Variants in RTN4 observed in about 807,000 individuals in gnomAD.
The protein encoded by RTN4 is reticulon-4.
Under a neutral mutation model 90.4 loss-of-function variants are expected in RTN4, and 32 were observed. That is an observed-to-expected ratio of 0.35 (90% CI 0.27 to 0.48). The LOEUF (loss-of-function observed/expected upper bound fraction) is 0.48. RTN4 is among the 20% of genes least tolerant of loss of function. RTN4 has a pLI of 0.99. For missense variants in RTN4, 1,706 were observed against 1,430.2 expected (o/e 1.19, Z -3.11); for synonymous variants, 629 against 552.5 (o/e 1.14, Z -1.94).
intron 1 of RTN4, among the ~76,000 whole-genome samples, chr2:55,108,120 A>G (rs1054557487): frequency 6.6e-6 from 1 of 151,904 alleles, no homozygotes; most frequent in Non-Finnish European, 1.5e-5. Flanking sequence ...ATTCCCAGCT[A>G]ATTTTTGTGT....
At position 55,050,008 on chromosome 2, in the gene RTN4, G is replaced by A; in HGVS notation, c.293C>T (p.Pro98Leu). 1.4e-6 allele frequency: 2 copies of A among 1,380,294 alleles called. No individual in the cohort carries two copies. Among genetic ancestry groups the A allele is most frequent in the Non-Finnish European group, 1.9e-6 (2 of 1,074,292 alleles). The allele number at this position is 1,380,294 out of a possible 1,614,324, so 85.5% of individuals were successfully genotyped here. Residue 98 changes from proline to leucine, a missense_variant, in exon 1 of 9, where the codon CCC becomes CTC. By Grantham distance (98) the Pro-to-Leu change is moderately conservative. Coordinates refer to ENST00000337526, the MANE Select transcript of RTN4 (RefSeq NM_020532.5). This position sits in a 1 kb window ranked among gnomAD's most constrained non-coding sequence, Gnocchi z 4.6. ...PAPRGPLPAAPPVAPERQPSW... is the reference protein window; with the variant it reads ...PAPRGPLPAALPVAPERQPSW... ...CGGCTGCCGCTCCGGGGCGACGGGG[G>A]GAGCGGCCGGCAGGGGTCCCCGGGG...
upstream of RTN4, among the ~76,000 whole-genome samples, chr2:55,054,618 A>C (rs1259660195): frequency 6.6e-6 from 1 of 152,228 alleles, no homozygotes; most frequent in African/African-American, 2.4e-5. Context: ...GCCTACATAT[A>C]GCAGGACGTG....
At chr2:55,041,146 T>C (rs1430409709) in intron 1 of RTN4, among the ~76,000 whole-genome samples, 1 of 151,326 alleles carries the variant, frequency 6.6e-6, no homozygotes, top group Non-Finnish European at 1.5e-5. Flanking sequence ...CAATTATCAA[T>C]TGAAAAGAGA....
At chr2:55,030,054 G>A (rs953887077) in intron 1 of RTN4, among the ~76,000 whole-genome samples, 3 of 152,206 alleles carry the variant, frequency 2.0e-5, no homozygotes, top group Non-Finnish European at 2.9e-5. Flanking sequence ...TAACAAAATG[G>A]TTGTCTTTTT....
intron 3 of RTN4, among the ~76,000 whole-genome samples, chr2:55,018,331 T>C (rs1009600438): frequency 3.3e-5 from 5 of 152,056 alleles, no homozygotes; most frequent in African/African-American, 1.2e-4. Context: ...AGAAAGAAAA[T>C]CTAGAACTGA....
In RTN4 at chr2:54,987,633, G is replaced by C; in HGVS notation, c.3079C>G (p.Leu1027Val). ...CTGAATACTGTCAATGAAAGCAGCA[G>C]GAATAGGCTGGCACCAAACACCACT... ...TGVVFGASLF[L>V]LLSLTVFSIV... Residue 1027 changes from leucine to valine, a missense_variant, in exon 4 of 9, where the codon CTG (leucine) becomes GTG (valine). Leu to Val is a conservative substitution (Grantham distance 32). Transcript: ENST00000337526. 1 of 1,614,146 alleles carries C rather than the reference G, an allele frequency of 6.2e-7. No homozygotes were observed. The highest frequency in any genetic ancestry group is 8.5e-7 in the Non-Finnish European group (1 of 1,180,012).
At chr2:55,014,816 C>A (rs1680912900) in intron 3 of RTN4, among the ~76,000 whole-genome samples, 1 of 152,084 alleles carries the variant, frequency 6.6e-6, no homozygotes, top group East Asian at 1.9e-4. Context: ...CACCTGGCCT[C>A]AAGCACGCAT....
intron 2 of RTN4, among the ~76,000 whole-genome samples, chr2:55,070,748 TTTG>T (rs71410417): frequency 6.4e-4 from 96 of 149,526 alleles, no homozygotes; most frequent in Non-Finnish European, 1.0e-3. Flanking sequence ...TGTTTTGATT[TTTG>T]TTGTTGTTGT....
At chr2:55,105,006 C>T (rs1432688355) in intron 1 of RTN4, among the ~76,000 whole-genome samples, 4 of 151,748 alleles carry the variant, frequency 2.6e-5, no homozygotes, top group Non-Finnish European at 5.9e-5. Flanking sequence ...GAGGTTTTGC[C>T]ATGTTGCCCG....
chr2:55,074,776 C>A (rs2105021327), intron 2 of RTN4, among the ~76,000 whole-genome samples: 1 of 152,268 alleles, frequency 6.6e-6, no homozygotes, highest in East Asian at 1.9e-4. Flanking sequence ...GGTTTAACAT[C>A]TGTAAGTCAA....
chr2:54,999,385 A>G (rs986771842), intron 3 of RTN4, among the ~76,000 whole-genome samples: 3 of 152,104 alleles, frequency 2.0e-5, no homozygotes, highest in Admixed American at 6.5e-5. Flanking sequence ...ATCCAATTAC[A>G]TTTTGCCTCA....
intron 1 of RTN4, among the ~76,000 whole-genome samples, chr2:55,096,122 T>C (rs900520313): frequency 8.6e-5 from 13 of 151,402 alleles, no homozygotes; most frequent in African/African-American, 3.2e-4. Flanking sequence ...AGGACGGGAG[T>C]TCAAGCCCAA....
At chr2:55,037,899 A>G (rs570170987) in intron 1 of RTN4, among the ~76,000 whole-genome samples, 7 of 152,220 alleles carry the variant, frequency 4.6e-5, no homozygotes, top group Non-Finnish European at 1.0e-4. Context: ...ACGACTTGCT[A>G]TAAAACTACA....
intron 2 of RTN4, among the ~76,000 whole-genome samples, chr2:55,068,601 G>T (rs756083344): frequency 7.3e-6 from 1 of 136,626 alleles, no homozygotes; most frequent in Non-Finnish European, 1.5e-5. Flanking sequence ...AAGTTCTGCT[G>T]AATACCCAAG....
intron 1 of RTN4, among the ~76,000 whole-genome samples, chr2:55,111,857 C>T (rs1668043740): frequency 1.3e-5 from 2 of 152,206 alleles, no homozygotes; most frequent in Non-Finnish European, 2.9e-5. Context: ...CCGAATGCTG[C>T]CTGCCTCCTG....
At chr2:54,993,005 C>T (rs962446519) in intron 3 of RTN4, among the ~76,000 whole-genome samples, 2 of 141,222 alleles carry the variant, frequency 1.4e-5, no homozygotes, top group Admixed American at 7.4e-5. Flanking sequence ...ACCCGAGAGG[C>T]GGAGGTTGCA....
chr2:55,094,512 G>T (rs1296324309), intron 1 of RTN4, among the ~76,000 whole-genome samples: 1 of 152,224 alleles, frequency 6.6e-6, no homozygotes, highest in East Asian at 1.9e-4. Flanking sequence ...CTGCTTTCAT[G>T]GGACTTCAGT....
intron 2 of RTN4, among the ~76,000 whole-genome samples, chr2:55,055,906 TG>T (rs1439293843): frequency 2.6e-5 from 4 of 151,848 alleles, no homozygotes; most frequent in Non-Finnish European, 4.4e-5. Flanking sequence ...TCTATAAATA[TG>T]TGTATATATA....
At chr2:55,050,630 G>C (rs1668058913), upstream of RTN4, 1 of 220,740 alleles carries the variant, frequency 4.5e-6, no homozygotes, top group Non-Finnish European at 8.9e-6. This position sits in a 1 kb window ranked among gnomAD's most constrained non-coding sequence, Gnocchi z 4.6. Context: ...ATCGGCTACA[G>C]GATCGAGAAG....
Sources: gnomAD v4.1 joint callset for allele counts (sites outside exome capture counted in the v4.1 genomes callset) on GRCh38, gnomAD v4.1.1 for gene constraint, Gnocchi (gnomAD v3.1) non-coding constraint, MANE v1.5 for transcripts, NCBI Gene and HGNC (gene_info 2026-07-23, HGNC 2026-07-21) for gene names.